Variants in CFAP47 observed in about 807,000 individuals in gnomAD.
CFAP47 encodes the protein cilia- and flagella-associated protein 47.
A neutral mutation model predicts 148.1 loss-of-function variants in CFAP47; 29 were observed. The observed-to-expected ratio is 0.20, with a 90% confidence interval of 0.15 to 0.27. The LOEUF is 0.27. Ranked by LOEUF, CFAP47 falls within the 10% of genes least tolerant of loss-of-function variation. The probability of loss-of-function intolerance (pLI) is 1.00; values close to 1 mark genes in which losing one functional copy is unlikely to be tolerated. For missense variants in CFAP47, 1,872 were observed against 1,697.5 expected (o/e 1.10, Z -1.81); for synonymous variants, 664 against 577.3 (o/e 1.15, Z -2.15).
intron 51 of CFAP47, among the ~76,000 whole-genome samples, chrX:36,296,168 TTTA>T (rs1941240245): frequency 8.9e-6 from 1 of 111,790 alleles, no homozygotes; most frequent in Non-Finnish European, 1.9e-5. Context: ...GGAGCTGTGA[TTTA>T]AGTACTCCAT....
intron 6 of CFAP47, 79 bp from the exon 7 acceptor site, chrX:35,953,513 T>G: frequency 1.4e-6 from 1 of 727,633 alleles, no homozygotes; most frequent in South Asian, 3.6e-5. Flanking sequence ...ATTTAAAGAT[T>G]GGATTGATAT....
intron 57 of CFAP47, among the ~76,000 whole-genome samples, chrX:36,328,444 T>C (rs1244901454): frequency 8.9e-6 from 1 of 112,191 alleles, no homozygotes; most frequent in Non-Finnish European, 1.9e-5. Context: ...TTTTTGTAGA[T>C]ATTGAAAAGC....
At chrX:36,346,671 G>GA (rs1281663284) in intron 57 of CFAP47, among the ~76,000 whole-genome samples, 5 of 111,849 alleles carry the variant, frequency 4.5e-5, no homozygotes, top group Non-Finnish European at 7.5e-5. Flanking sequence ...GTTAAGATAT[G>GA]AAAAGACTCA....
chrX:36,364,889 T>C (rs1941858879), intron 61 of CFAP47, among the ~76,000 whole-genome samples: 1 of 88,732 alleles, frequency 1.1e-5, no homozygotes, highest in Admixed American at 1.4e-4. Context: ...AACTTAACAG[T>C]TATATTTTGT....
chrX:36,359,196 C>G (rs1052042521), intron 60 of CFAP47, among the ~76,000 whole-genome samples: 1 of 111,609 alleles, frequency 9.0e-6, no homozygotes, highest in African/African-American at 3.3e-5. Context: ...ATTATTTGCC[C>G]CTTATTCATG....
At chrX:36,352,027 T>G (rs1441639336) in intron 59 of CFAP47, among the ~76,000 whole-genome samples, 1 of 111,461 alleles carries the variant, frequency 9.0e-6, no homozygotes, top group Non-Finnish European at 1.9e-5. Flanking sequence ...TTTTTGTTCT[T>G]TAAGCCACAT....
At chrX:36,164,071 T>A (rs1162196761) in intron 39 of CFAP47, among the ~76,000 whole-genome samples, 1 of 112,256 alleles carries the variant, frequency 8.9e-6, no homozygotes, top group Non-Finnish European at 1.9e-5. Flanking sequence ...TAAATCATTT[T>A]AAATTTATGA....
chrX:36,150,994 A>C (rs780732232), intron 37 of CFAP47, among the ~76,000 whole-genome samples: 1 of 112,095 alleles, frequency 8.9e-6, no homozygotes, highest in East Asian at 2.8e-4. Flanking sequence ...TTAAAACTTG[A>C]GATCTATACT....
chrX:35,920,673 A>G (rs760315060), intron 1 of CFAP47, among the ~76,000 whole-genome samples: 1 of 111,441 alleles, frequency 9.0e-6, no homozygotes, highest in South Asian at 3.8e-4. Context: ...TCTGTATCTC[A>G]CTGTGTTATT....
At position 36,138,066 on chromosome X, in the gene CFAP47, T is replaced by C. The variant is rs754460657; in HGVS notation, c.5418+11T>C. 8.4e-6 allele frequency: 6 copies of C among 716,228 alleles called. No individual in the cohort carries two copies. The highest frequency in any genetic ancestry group is 1.3e-5 in the Non-Finnish European group (6 of 463,093). 59.0% of individuals were successfully genotyped at this position (716,228 alleles called of 1,213,427 possible). A position where few individuals can be genotyped will look rare whatever the true frequency, so the allele number is the denominator to read the frequency against. ...TATTGCCCATTCTTGGTAAGAGTCG[T>C]TTTTATGCATAATGATCTTCTATTA... On this transcript the variant is annotated intron_variant, in intron 34 of 63. Transcript: ENST00000378653.
chrX:36,148,155 G>A (rs887772025), intron 36 of CFAP47, among the ~76,000 whole-genome samples: 30 of 111,612 alleles, frequency 2.7e-4, no homozygotes, highest in Admixed American at 1.0e-3. Flanking sequence ...GGAGATCAGT[G>A]GGTGGGAAAT....
chrX:35,970,688 A>C, intron 10 of CFAP47, 80 bp from the exon 11 acceptor site: 1 of 752,627 alleles, frequency 1.3e-6, no homozygotes, highest in Non-Finnish European at 1.9e-6. Flanking sequence ...TGATATAGAA[A>C]TTGGCTAGGA....
chrX:36,170,746 G>A (rs765482794), intron 39 of CFAP47, among the ~76,000 whole-genome samples: 29 of 107,265 alleles, frequency 2.7e-4, no homozygotes, highest in East Asian at 2.6e-3. Context: ...GAATAATGCC[G>A]CAATAAACAT....
intron 30 of CFAP47, 97 bp downstream of exon 30, chrX:36,085,635 A>C: frequency 2.5e-6 from 1 of 400,783 alleles, no homozygotes; most frequent in Non-Finnish European, 4.3e-6. Flanking sequence ...TTTCCTTTCT[A>C]ACCAAACACA....
At chrX:35,948,220 G>T (rs1455935201) in intron 3 of CFAP47, 94 bp from the exon 4 acceptor site, 4 of 808,691 alleles carry the variant, frequency 4.9e-6, no homozygotes, top group Non-Finnish European at 7.1e-6. Flanking sequence ...GGCAAGCTTG[G>T]TCTACTGGGT....
intron 42 of CFAP47, among the ~76,000 whole-genome samples, chrX:36,197,161 A>G (rs1939928990): frequency 3.6e-5 from 4 of 112,215 alleles, no homozygotes; most frequent in Admixed American, 2.9e-4. Context: ...ATATGGTAAT[A>G]TACTGTGTGT....
intron 57 of CFAP47, among the ~76,000 whole-genome samples, chrX:36,340,065 C>T (rs372058701): frequency 9.0e-6 from 1 of 111,622 alleles, no homozygotes; most frequent in Non-Finnish European, 1.9e-5. Flanking sequence ...GCTAGCTCTA[C>T]GAAAGGTTAA....
chrX:36,384,296 G>A (rs1274439558), intron 63 of CFAP47, among the ~76,000 whole-genome samples: 12 of 111,523 alleles, frequency 1.1e-4, no homozygotes, highest in Non-Finnish European at 2.3e-4. Flanking sequence ...AGCCAAGATC[G>A]TGCCACTGCA....
intron 37 of CFAP47, among the ~76,000 whole-genome samples, chrX:36,154,606 T>C (rs953104728): frequency 3.6e-5 from 4 of 112,397 alleles, no homozygotes; most frequent in African/African-American, 1.3e-4. Context: ...TTTATTCTTT[T>C]GAGCCTTTTC....
Sources: gnomAD v4.1 joint callset for allele counts (sites outside exome capture counted in the v4.1 genomes callset) on GRCh38, gnomAD v4.1.1 for gene constraint, MANE v1.5 for transcripts, NCBI Gene and HGNC (gene_info 2026-07-23, HGNC 2026-07-21) for gene names.